MBNL2: variants seen among roughly 807,000 people sequenced by gnomAD.
The protein encoded by MBNL2 is muscleblind-like protein 2.
MBNL2 carries 17 observed loss-of-function variants against 41.9 expected under a neutral mutation model. The ratio of observed to expected loss-of-function variants is 0.41; its 90% CI spans 0.28 to 0.61. The LOEUF is 0.61. MBNL2 is among the 20% of genes least tolerant of loss of function. The pLI, the probability that MBNL2 is intolerant of heterozygous loss-of-function variation, is 0.35. For missense variants in MBNL2, 336 were observed against 505.6 expected, an observed-to-expected ratio of 0.66 and a Z score of 3.22; for synonymous variants, 195 against 182.9, an observed-to-expected ratio of 1.07 and a Z score of -0.53.
At position 97,290,782 on chromosome 13, in the gene MBNL2, G is replaced by T. The variant is rs148018223; in HGVS notation, c.174+14373G>T. Among the ~76,000 whole-genome samples the T allele has an allele frequency of 3.2e-4, 48 of 152,226 alleles. 2 individuals are homozygous for T. The highest frequency in any genetic ancestry group is 1.1e-3 in the African/African-American group (46 of 41,542). ...ATTACTAGAAAGGAAATGGAGCAAG[G>T]TACTCTGATAGAAAACATTGTGATG... On this transcript the variant is annotated intron_variant, in intron 2 of 8. Coordinates refer to ENST00000679496, the MANE Select transcript of MBNL2 (RefSeq NM_001382683.1).
At chr13:97,177,870 ACAGTATCTT>A in the MBNL2 span, among the ~76,000 whole-genome samples, 1 of 152,226 alleles carries the variant, frequency 6.6e-6, no homozygotes, top group African/African-American at 2.4e-5. Context: ...AGAAAATGAA[ACAGTATCTT>A]CAAATTGTGG....
the MBNL2 span, among the ~76,000 whole-genome samples, chr13:97,155,768 C>T: frequency 6.6e-5 from 10 of 152,178 alleles, no homozygotes; most frequent in South Asian, 4.2e-4. Context: ...GGTGTACATG[C>T]GCCACATTTT....
At chr13:97,276,499 A>G in intron 2 of MBNL2, 90 bp downstream of exon 2, 1 of 1,287,606 alleles carries the variant, frequency 7.8e-7, no homozygotes, top group Non-Finnish European at 1.1e-6. Context: ...AAGTTTAAAA[A>G]TTGCTTTTAG....
chr13:97,282,211 C>T (rs2053573209), intron 2 of MBNL2, among the ~76,000 whole-genome samples: 2 of 152,036 alleles, frequency 1.3e-5, no homozygotes, highest in African/African-American at 4.8e-5. Context: ...AAAAATTAGC[C>T]AGTTCTGGTG....
the MBNL2 span, among the ~76,000 whole-genome samples, chr13:97,194,272 C>T: frequency 6.6e-6 from 1 of 152,186 alleles, no homozygotes; most frequent in East Asian, 1.9e-4. Context: ...GAGAGGGATC[C>T]TTTCCATTTG....
chr13:97,388,491 T>C (rs1044706810), intron 8 of MBNL2, among the ~76,000 whole-genome samples: 7 of 152,102 alleles, frequency 4.6e-5, no homozygotes, highest in Non-Finnish European at 7.4e-5. Flanking sequence ...GAGGTTCCTC[T>C]TTCTCTCAAA....
chr13:97,275,936 T>C lies in MBNL2; in HGVS notation c.-300T>C, dbSNP rs925657885. On this transcript the variant is annotated 5_prime_UTR_variant, in exon 2 of 9. Transcript: ENST00000679496. ...GTGCCATGATATTGAAGTCACTTTATTAATAACAGCTGTATCTGCAAAACA... is the reference window on the plus strand; with the variant it reads ...GTGCCATGATATTGAAGTCACTTTACTAATAACAGCTGTATCTGCAAAACA... The C allele has an allele frequency of 4.0e-6, 1 of 249,252 alleles. No homozygotes were observed. Among genetic ancestry groups the C allele is most frequent in the African/African-American group, 2.2e-5 (1 of 44,966 alleles). The allele number at this position is 249,252 out of a possible 1,614,324, so 15.4% of individuals were successfully genotyped here. A position where few individuals can be genotyped will look rare whatever the true frequency, so the allele number is the denominator to read the frequency against.
At position 97,392,274 on chromosome 13, in the gene MBNL2, A is replaced by C. The variant is rs1284568292; in HGVS notation, c.*825A>C. Reference sequence around the variant, plus strand: ...AATAACTCTTCTTAACTAAAAACCTAGTCAAACAAGGAAGCTGTAGGTGAG... The same window carrying C: ...AATAACTCTTCTTAACTAAAAACCTCGTCAAACAAGGAAGCTGTAGGTGAG... On this transcript the variant is annotated 3_prime_UTR_variant, in exon 9 of 9. Coordinates refer to ENST00000679496, the MANE Select transcript of MBNL2 (RefSeq NM_001382683.1). The C allele has an allele frequency of 6.6e-6, 1 of 152,616 alleles. No homozygotes were observed. Among genetic ancestry groups the C allele is most frequent in the Non-Finnish European group, 1.5e-5 (1 of 68,018 alleles). The allele number at this position is 152,616 out of a possible 1,614,324, so 9.5% of individuals were successfully genotyped here. A position where few individuals can be genotyped will look rare whatever the true frequency, so the allele number is the denominator to read the frequency against.
At chr13:97,184,340 A>G in the MBNL2 span, among the ~76,000 whole-genome samples, 1 of 152,214 alleles carries the variant, frequency 6.6e-6, no homozygotes, top group South Asian at 2.1e-4. Context: ...TCAAAAGAAG[A>G]GGACAATAAC....
At chr13:97,323,036 C>A (rs984287587) in intron 2 of MBNL2, among the ~76,000 whole-genome samples, 1 of 152,140 alleles carries the variant, frequency 6.6e-6, no homozygotes, top group Non-Finnish European at 1.5e-5. Context: ...ACACTTGACA[C>A]TAAACAGGCT....
chr13:97,252,755 T>C (rs1166530964), intron 1 of MBNL2, among the ~76,000 whole-genome samples: 1 of 152,222 alleles, frequency 6.6e-6, no homozygotes. Context: ...ACTCACTTTT[T>C]CCTTGTGAGA....
At chr13:97,228,246 A>G (rs2041920038) in intron 1 of MBNL2, among the ~76,000 whole-genome samples, 1 of 152,134 alleles carries the variant, frequency 6.6e-6, no homozygotes, top group African/African-American at 2.4e-5. Context: ...TCCCACAGCT[A>G]ATACTTGGCT....
At chr13:97,242,766 CT>C (rs75897334) in intron 1 of MBNL2, among the ~76,000 whole-genome samples, 2,753 of 144,440 alleles carry the variant, frequency 0.019, 34 homozygotes, top group African/African-American at 0.032. Flanking sequence ...TTACTTGTTC[CT>C]TTTTTTTTTT....
At chr13:97,256,393 G>C (rs1287378388) in intron 1 of MBNL2, among the ~76,000 whole-genome samples, 1 of 151,814 alleles carries the variant, frequency 6.6e-6, no homozygotes, top group Admixed American at 6.6e-5. Context: ...TGTGAAGCTG[G>C]GTGGAACCTT....
intron 1 of MBNL2, among the ~76,000 whole-genome samples, chr13:97,262,293 C>T (rs1240097582): frequency 6.6e-6 from 1 of 152,202 alleles, no homozygotes; most frequent in Non-Finnish European, 1.5e-5. Flanking sequence ...CCCTTGAAAG[C>T]CAGCAGGGAC....
chr13:97,366,561 C>T lies in MBNL2; in HGVS notation c.1048+1390C>T. 1.3e-6 allele frequency: 2 copies of T among 1,575,204 alleles called. No individual in the cohort carries two copies. Among genetic ancestry groups the T allele is most frequent in the Non-Finnish European group, 1.7e-6 (2 of 1,147,490 alleles). On this transcript the variant is annotated intron_variant, in intron 8 of 8. Coordinates refer to ENST00000679496, the MANE Select transcript of MBNL2 (RefSeq NM_001382683.1). This position sits in a 1 kb window ranked among gnomAD's most constrained non-coding sequence, Gnocchi z 4.7. ...ACAGCCACAGCCAATCAGGTTTGCT[C>T]CTTTTAAAGCTTTCTTTCACAAATC...
chr13:97,213,991 C>T, the MBNL2 span, among the ~76,000 whole-genome samples: 1 of 152,228 alleles, frequency 6.6e-6, no homozygotes, highest in South Asian at 2.1e-4. Context: ...GGCTCACATA[C>T]TTCCACTGCT....
At chr13:97,187,690 C>A in the MBNL2 span, among the ~76,000 whole-genome samples, 1 of 149,652 alleles carries the variant, frequency 6.7e-6, no homozygotes, top group African/African-American at 2.5e-5. Context: ...GGCAGATCAC[C>A]AGGTCAGGAG....
At chr13:97,378,879 CAACAT>C (rs1188639416) in intron 8 of MBNL2, among the ~76,000 whole-genome samples, 1 of 152,294 alleles carries the variant, frequency 6.6e-6, no homozygotes, top group East Asian at 1.9e-4. Context: ...TCTTACTACT[CAACAT>C]AACTCTGTGA....
Sources: gnomAD v4.1 joint callset for allele counts (sites outside exome capture counted in the v4.1 genomes callset) on GRCh38, gnomAD v4.1.1 for gene constraint, Gnocchi (gnomAD v3.1) non-coding constraint, MANE v1.5 for transcripts, NCBI Gene and HGNC (gene_info 2026-07-23, HGNC 2026-07-21) for gene names.